KIAA0825: variants seen among roughly 807,000 people sequenced by gnomAD.
KIAA0825 encodes uncharacterized protein KIAA0825.
KIAA0825 carries 119 observed loss-of-function variants against 147.6 expected under a neutral mutation model. That is an observed-to-expected ratio of 0.81 (90% CI 0.69 to 0.94). KIAA0825 has a LOEUF of 0.94. Ranked by LOEUF, KIAA0825 falls within the 40% of genes least tolerant of loss-of-function variation. The pLI, the probability that KIAA0825 is intolerant of heterozygous loss-of-function variation, is 0.00. For synonymous variants in KIAA0825, 470 were observed against 518.1 expected (o/e 0.91, Z 1.26); for missense variants, 1,381 against 1,472.7 (o/e 0.94, Z 1.02).
At chr5:94,216,035 G>A (rs1280769472) in intron 20 of KIAA0825, among the ~76,000 whole-genome samples, 5 of 151,940 alleles carry the variant, frequency 3.3e-5, no homozygotes, top group Admixed American at 1.3e-4. Context: ...ATCCCATGCC[G>A]GGTTCCTCTA....
At chr5:94,581,437 T>C (rs935286144) in intron 2 of KIAA0825, among the ~76,000 whole-genome samples, 3 of 152,206 alleles carry the variant, frequency 2.0e-5, no homozygotes, top group African/African-American at 7.2e-5. Context: ...TTAATGACCC[T>C]GAACCAAAGG....
At chr5:94,206,128 C>G (rs1170064661) in intron 20 of KIAA0825, among the ~76,000 whole-genome samples, 1 of 151,898 alleles carries the variant, frequency 6.6e-6, no homozygotes, top group Non-Finnish European at 1.5e-5. Flanking sequence ...TTTTCTTTGT[C>G]TTTATTTCTC....
At position 94,520,912 on chromosome 5, in the gene KIAA0825, A is replaced by G. The variant is rs758264410; in HGVS notation, c.306T>C (p.Asp102=). The G allele has an allele frequency of 5.7e-6, 9 of 1,577,418 alleles. No homozygotes were observed. In the Admixed American group the frequency reaches 1.6e-4, roughly 28 times the overall value. Residue 102 remains aspartate, a synonymous_variant, in exon 5 of 21, where the codon GAT becomes GAC. Coordinates refer to ENST00000682413, the MANE Select transcript of KIAA0825 (RefSeq NM_001145678.3). ...DLIKFFKTLQ[D]LLKNEQNQEE... ...CTTGATTTTGTTCATTCTTCAACAAATCTTGCTAATGAAATTATAACATTA... is the reference window on the plus strand; with the variant it reads ...CTTGATTTTGTTCATTCTTCAACAAGTCTTGCTAATGAAATTATAACATTA...
rs545397423 is a variant in KIAA0825 at position 94,275,331 on chromosome 5, T to C, written c.3710+109037A>G. Among the ~76,000 whole-genome samples, 24 of 152,206 alleles carry C rather than the reference T, an allele frequency of 1.6e-4. No individual in the cohort carries two copies. The South Asian group carries it at 4.8e-3, about 30-fold the overall frequency. On this transcript the variant is annotated intron_variant, in intron 20 of 20. Transcript: ENST00000682413. ...AAGGAGGTGATCTTTGCAATGGATA[T>C]CAAAGGAAGGGTAGGATCTATGCAA...
chr5:94,569,752 A>G, intron 2 of KIAA0825: 1 of 262,132 alleles, frequency 3.8e-6, no homozygotes, highest in Non-Finnish European at 7.2e-6. Context: ...ACATCACCTG[A>G]GACGTAAACC....
chr5:94,596,413 G>A (rs1472838036), intron 1 of KIAA0825, among the ~76,000 whole-genome samples: 1 of 152,002 alleles, frequency 6.6e-6, no homozygotes, highest in Non-Finnish European at 1.5e-5. Context: ...TTATTTCTGG[G>A]CTCTCTATCC....
At chr5:94,232,655 G>T (rs1483082583) in intron 20 of KIAA0825, among the ~76,000 whole-genome samples, 1 of 152,016 alleles carries the variant, frequency 6.6e-6, no homozygotes, top group Non-Finnish European at 1.5e-5. Flanking sequence ...GTGACTTTTA[G>T]GGTAGACACT....
At chr5:94,612,589 T>C (rs1175269385) in intron 1 of KIAA0825, among the ~76,000 whole-genome samples, 2 of 152,216 alleles carry the variant, frequency 1.3e-5, no homozygotes, top group East Asian at 3.8e-4. Flanking sequence ...TCTTGGCATC[T>C]GCTTTTTGGA....
Position 94,151,485 on chromosome 5 carries a change from A to G in KIAA0825, c.*2522T>C, listed in dbSNP as rs1170391438. ...GTATAAAGTCAAAATAATCTGATAA[A>G]TCAATGACTTGTCACCTAATACTCT... On this transcript the variant is annotated 3_prime_UTR_variant, in exon 21 of 21. Transcript: ENST00000682413. 6.6e-6 allele frequency among the ~76,000 whole-genome samples: 1 copy of G among 151,864 alleles called. No individual in the cohort carries two copies. The highest frequency in any genetic ancestry group is 1.5e-5 in the Non-Finnish European group (1 of 67,970).
chr5:94,434,282 T>C (rs1399620951), intron 14 of KIAA0825, among the ~76,000 whole-genome samples: 1 of 152,232 alleles, frequency 6.6e-6, no homozygotes, highest in African/African-American at 2.4e-5. Context: ...TTATTTTACA[T>C]GGCAAAAACA....
At chr5:94,263,565 G>A (rs1776602424) in intron 20 of KIAA0825, among the ~76,000 whole-genome samples, 1 of 152,042 alleles carries the variant, frequency 6.6e-6, no homozygotes, top group South Asian at 2.1e-4. Flanking sequence ...TTTTAGTCCT[G>A]AATTTTCTTC....
chr5:94,382,217 A>C (rs1390297078), intron 20 of KIAA0825, among the ~76,000 whole-genome samples: 1 of 152,196 alleles, frequency 6.6e-6, no homozygotes, highest in Non-Finnish European at 1.5e-5. Flanking sequence ...TAGTTGGTAG[A>C]TGTTGGATAG....
intron 5 of KIAA0825, chr5:94,519,252 A>G: frequency 1.1e-6 from 1 of 887,324 alleles, no homozygotes; most frequent in Non-Finnish European, 1.3e-6. Context: ...AGATACGCAC[A>G]AGTATAGTGA....
intron 20 of KIAA0825, among the ~76,000 whole-genome samples, chr5:94,369,327 G>A (rs1746327937): frequency 6.6e-6 from 1 of 152,124 alleles, no homozygotes; most frequent in South Asian, 2.1e-4. Flanking sequence ...CTGATGACAA[G>A]CATTATTTAG....
intron 13 of KIAA0825, among the ~76,000 whole-genome samples, chr5:94,451,451 G>A (rs778026751): frequency 4.6e-5 from 7 of 152,080 alleles, no homozygotes; most frequent in Non-Finnish European, 1.0e-4. Context: ...TTTTTAATAC[G>A]TATTACTAAA....
chr5:94,294,924 T>C (rs1173001350), intron 20 of KIAA0825, among the ~76,000 whole-genome samples: 2 of 152,140 alleles, frequency 1.3e-5, no homozygotes, highest in African/African-American at 4.8e-5. Context: ...TCAAGGAGTA[T>C]CTTTGTGGTG....
chr5:94,238,622 T>C (rs1211553119), intron 20 of KIAA0825, among the ~76,000 whole-genome samples: 1 of 152,196 alleles, frequency 6.6e-6, no homozygotes, highest in Non-Finnish European at 1.5e-5. Flanking sequence ...TTAATGATAA[T>C]TGATTTTTAA....
chr5:94,336,726 G>T (rs1781843410), intron 20 of KIAA0825, among the ~76,000 whole-genome samples: 2 of 152,040 alleles, frequency 1.3e-5, no homozygotes, highest in African/African-American at 4.8e-5. Flanking sequence ...AAGCATACGT[G>T]TTCATGTGTC....
intron 2 of KIAA0825, among the ~76,000 whole-genome samples, chr5:94,561,357 G>T (rs1466163918): frequency 6.6e-6 from 1 of 152,164 alleles, no homozygotes; most frequent in East Asian, 1.9e-4. Flanking sequence ...TAATAAAACT[G>T]TATGTATACT....
Sources: allele counts gnomAD v4.1 joint callset (sites outside exome capture counted in the v4.1 genomes callset), GRCh38; gene constraint gnomAD v4.1.1; transcripts MANE v1.5; gene names NCBI Gene and HGNC (gene_info 2026-07-23, HGNC 2026-07-21).